Variants in LHCGR observed in about 807,000 individuals in gnomAD.
The protein encoded by LHCGR is luteinizing hormone/choriogonadotropin receptor, also known as lutropin-choriogonadotropic hormone receptor.
In LHCGR, 55 loss-of-function variants were observed where a neutral mutation model predicts 60.7. The ratio of observed to expected loss-of-function variants is 0.91; its 90% CI spans 0.73 to 1.13. LHCGR has a LOEUF of 1.13. Ranked by LOEUF, LHCGR falls within the 50% of genes most tolerant of loss-of-function variation. LHCGR has a pLI of 0.00. For synonymous variants in LHCGR, 337 were observed against 316.5 expected (o/e 1.06, Z -0.69); for missense variants, 862 against 836.0 (o/e 1.03, Z -0.38).
chr2:48,732,330 T>C (rs903599022), intron 1 of LHCGR, among the ~76,000 whole-genome samples: 13 of 152,230 alleles, frequency 8.5e-5, no homozygotes, highest in Non-Finnish European at 1.6e-4. Context: ...AGGTGAAAGA[T>C]GCTGTCTTGT....
intron 1 of LHCGR, among the ~76,000 whole-genome samples, chr2:48,745,900 C>T (rs988957696): frequency 6.6e-6 from 1 of 151,680 alleles, no homozygotes; most frequent in Non-Finnish European, 1.5e-5. Context: ...AGGTCCGTCT[C>T]AGGTACTACA....
intron 9 of LHCGR, among the ~76,000 whole-genome samples, chr2:48,695,019 G>T (rs913917927): frequency 1.3e-5 from 2 of 152,064 alleles, no homozygotes; most frequent in African/African-American, 2.4e-5. Flanking sequence ...GTTTTGATTT[G>T]CATTTCTCTG....
At chr2:48,739,527 C>G (rs1669341480) in intron 1 of LHCGR, among the ~76,000 whole-genome samples, 1 of 152,116 alleles carries the variant, frequency 6.6e-6, no homozygotes. Flanking sequence ...ATGGATAAAG[C>G]TGGAAAGCAT....
chr2:48,754,249 C>G (rs1426590103), intron 1 of LHCGR, among the ~76,000 whole-genome samples: 1 of 152,190 alleles, frequency 6.6e-6, no homozygotes, highest in Non-Finnish European at 1.5e-5. Context: ...TTTAACTTTT[C>G]CACATGAAGA....
intron 1 of LHCGR, among the ~76,000 whole-genome samples, chr2:48,747,339 A>C (rs1478891634): frequency 1.3e-5 from 2 of 151,992 alleles, no homozygotes; most frequent in African/African-American, 4.8e-5. Context: ...TGATCCACCT[A>C]CCTCAGCCTC....
intron 4 of LHCGR, among the ~76,000 whole-genome samples, chr2:48,724,028 T>G (rs1668619115): frequency 6.6e-6 from 1 of 152,224 alleles, no homozygotes; most frequent in African/African-American, 2.4e-5. Flanking sequence ...TGCATTCCAC[T>G]TTCTTTTGGT....
chr2:48,695,437 T>A (rs1411359182), intron 9 of LHCGR, among the ~76,000 whole-genome samples: 1 of 152,180 alleles, frequency 6.6e-6, no homozygotes, highest in East Asian at 1.9e-4. Flanking sequence ...AAAAGGGAAT[T>A]CTCATACACT....
At chr2:48,750,681 C>T (rs887483460) in intron 1 of LHCGR, among the ~76,000 whole-genome samples, 2 of 152,328 alleles carry the variant, frequency 1.3e-5, no homozygotes, top group African/African-American at 4.8e-5. Flanking sequence ...TCAGTTTAAT[C>T]ATGAAACTCA....
intron 1 of LHCGR, among the ~76,000 whole-genome samples, chr2:48,752,895 A>T (rs898226038): frequency 2.9e-5 from 4 of 135,766 alleles, no homozygotes; most frequent in Non-Finnish European, 6.1e-5. Flanking sequence ...ACTTCCCTCA[A>T]TTCTGCTTAT....
chr2:48,718,541 A>G (rs962722326), intron 6 of LHCGR, among the ~76,000 whole-genome samples: 2 of 152,246 alleles, frequency 1.3e-5, no homozygotes, highest in African/African-American at 2.4e-5. Context: ...AAGTGGACCC[A>G]TTGCTAAAAG....
intron 8 of LHCGR, among the ~76,000 whole-genome samples, chr2:48,706,432 T>C (rs1297232898): frequency 6.6e-6 from 1 of 152,226 alleles, no homozygotes; most frequent in African/African-American, 2.4e-5. Flanking sequence ...TGAATTTGAA[T>C]GTTGGCCTGC....
At chr2:48,716,267 A>ACTT (rs1281351370) in intron 6 of LHCGR, among the ~76,000 whole-genome samples, 8 of 151,904 alleles carry the variant, frequency 5.3e-5, no homozygotes, top group African/African-American at 1.9e-4. Context: ...TTCTCAAATA[A>ACTT]CTTATATTTC....
chr2:48,697,538 G>T (rs1667177620), intron 9 of LHCGR, among the ~76,000 whole-genome samples: 1 of 152,174 alleles, frequency 6.6e-6, no homozygotes, highest in African/African-American at 2.4e-5. Flanking sequence ...CAAGTGTTTT[G>T]TCTTCTCAGC....
chr2:48,750,559 T>G (rs944670181), intron 1 of LHCGR, among the ~76,000 whole-genome samples: 9 of 152,222 alleles, frequency 5.9e-5, no homozygotes, highest in Non-Finnish European at 1.2e-4. Flanking sequence ...ATTTTCTCAC[T>G]TCCCCATTTT....
intron 3 of LHCGR, among the ~76,000 whole-genome samples, chr2:48,726,554 A>C (rs1230192639): frequency 6.6e-6 from 1 of 152,204 alleles, no homozygotes; most frequent in Admixed American, 6.5e-5. Flanking sequence ...ACCATTGCTA[A>C]GTCCTGTCTA....
intron 6 of LHCGR, among the ~76,000 whole-genome samples, chr2:48,715,988 T>A (rs780324779): frequency 1.3e-5 from 2 of 152,172 alleles, no homozygotes; most frequent in Non-Finnish European, 2.9e-5. Flanking sequence ...AGGGGAGGCT[T>A]CCATGGTTTC....
intron 1 of LHCGR, among the ~76,000 whole-genome samples, chr2:48,747,274 T>C (rs1161397660): frequency 2.6e-5 from 4 of 151,994 alleles, no homozygotes; most frequent in Non-Finnish European, 5.9e-5. Flanking sequence ...TATTTTTTAG[T>C]AGAGACAAGG....
intron 10 of LHCGR, among the ~76,000 whole-genome samples, chr2:48,692,014 T>C (rs376771871): frequency 1.3e-5 from 2 of 152,252 alleles, no homozygotes; most frequent in South Asian, 2.1e-4. Context: ...ACCTTTCCCC[T>C]AACTTCACTC....
Position 48,729,195 on chromosome 2 carries a change from A to T in LHCGR, c.266T>A (p.Ile89Lys). 6.2e-7 allele frequency: 1 copy of T among 1,611,864 alleles called. No individual in the cohort carries two copies. The highest frequency in any genetic ancestry group is 8.5e-7 in the Non-Finnish European group (1 of 1,178,780). ...GAGGTTGTCAAAGGCATTAGCTTCTATCCTTTCCAGGGAATCAATCTGAGA... is the reference window on the plus strand; with the variant it reads ...GAGGTTGTCAAAGGCATTAGCTTCTTTCCTTTCCAGGGAATCAATCTGAGA... ...EISQIDSLER[I>K]EANAFDNLLN... is the part of the protein sequence containing the mutation. The change falls in exon 3 of 11, where the codon ATA becomes AAA. Residue 89 changes from isoleucine (I) to lysine (K), a missense_variant. Coordinates refer to ENST00000294954, the MANE Select transcript of LHCGR (RefSeq NM_000233.4).
Sources: gnomAD v4.1 joint callset for allele counts (sites outside exome capture counted in the v4.1 genomes callset) on GRCh38, gnomAD v4.1.1 for gene constraint, MANE v1.5 for transcripts, NCBI Gene and HGNC (gene_info 2026-07-23, HGNC 2026-07-21) for gene names.